Variants in GPSM2 observed in about 807,000 individuals in gnomAD.
GPSM2 encodes the protein G protein signaling modulator 2.
GPSM2 carries 58 observed loss-of-function variants against 78.4 expected under a neutral mutation model. The ratio of observed to expected loss-of-function variants is 0.74; its 90% confidence interval spans 0.60 to 0.92. The LOEUF (loss-of-function observed/expected upper bound fraction) is 0.92. GPSM2 is among the 40% of genes least tolerant of loss of function. The pLI, the probability that GPSM2 is intolerant of heterozygous loss-of-function variation, is 0.00. For missense variants in GPSM2, 700 were observed against 815.5 expected (o/e 0.86, Z 1.73); for synonymous variants, 224 against 280.2 (o/e 0.80, Z 2.00).
Position 108,922,410 on chromosome 1 carries a change from A to C in GPSM2, c.1441-7A>C. 1 of 1,600,490 alleles carries C rather than the reference A, an allele frequency of 6.2e-7. No individual in the cohort carries two copies. The highest frequency in any genetic ancestry group is 8.6e-7 in the Non-Finnish European group (1 of 1,167,816). ...CAAATAAACTAGACTTCCTCTCAAT[A>C]TTTTAGAAAATCAGTGCAGATACTA... On this transcript the variant is annotated splice_polypyrimidine_tract_variant and splice_region_variant and intron_variant, in intron 12 of 14. Transcript: ENST00000264126.
At chr1:108,882,315 A>G (rs1440750827) in intron 1 of GPSM2, among the ~76,000 whole-genome samples, 2 of 152,224 alleles carry the variant, frequency 1.3e-5, no homozygotes, top group East Asian at 1.9e-4. Context: ...CCCTGAGGAT[A>G]CCAAAATCCA....
At chr1:108,908,097 C>CG (rs535948636) in intron 10 of GPSM2, among the ~76,000 whole-genome samples, 73 of 152,326 alleles carry the variant, frequency 4.8e-4, no homozygotes, top group Non-Finnish European at 9.0e-4. Context: ...AGGGGCCGGG[C>CG]GCCATGGCTC....
Position 108,897,957 on chromosome 1 carries a change from A to T in GPSM2, c.415-2A>T. On this transcript the variant is annotated splice_acceptor_variant, in intron 4 of 14. Transcript: ENST00000264126. LOFTEE classifies it high-confidence loss of function. ...GTAAACTTTGCTGATGTCTTCATTTAGGTGGGAGAAGCAAGAGCACTTTAC... is the reference window on the plus strand; with the variant it reads ...GTAAACTTTGCTGATGTCTTCATTTTGGTGGGAGAAGCAAGAGCACTTTAC... The T allele has an allele frequency of 6.2e-7, 1 of 1,613,720 alleles. No individual in the cohort carries two copies. The highest frequency in any genetic ancestry group is 8.5e-7 in the Non-Finnish European group (1 of 1,179,624).
chr1:108,895,704 A>G (rs1024680038), intron 2 of GPSM2, among the ~76,000 whole-genome samples: 49 of 152,170 alleles, frequency 3.2e-4, no homozygotes, highest in African/African-American at 1.2e-3. Context: ...AAACAAGCTC[A>G]GGGCTCCCAC....
At chr1:108,889,795 A>G (rs900979047) in intron 2 of GPSM2, among the ~76,000 whole-genome samples, 28 of 152,138 alleles carry the variant, frequency 1.8e-4, no homozygotes, top group African/African-American at 5.5e-4. Flanking sequence ...TAACCGTGCA[A>G]CCTCTCTGCT....
At chr1:108,929,677 T>C (rs1651561119) in intron 14 of GPSM2, 24 bp from the exon 15 acceptor site, 3 of 1,610,194 alleles carry the variant, frequency 1.9e-6, no homozygotes, top group Non-Finnish European at 2.5e-6. Flanking sequence ...AGTATGTCTT[T>C]TAATCTCTCT....
chr1:108,896,997 A>G lies in GPSM2; in HGVS notation c.190A>G (p.Ile64Val), dbSNP rs775303753. 7 of 1,613,972 alleles carry G rather than the reference A, an allele frequency of 4.3e-6. No homozygotes were observed. The highest frequency in any genetic ancestry group is 5.1e-6 in the Non-Finnish European group (6 of 1,179,824). The change falls in exon 3 of 15, where the codon ATT (isoleucine) becomes GTT (valine). Residue 64 changes from isoleucine to valine, a missense_variant. Physicochemically the swap from Ile to Val is conservative, Grantham distance 29. Transcript: ENST00000264126. ...TGAAGACCTAAAAACACTTAGCGCT[A>G]TTTACAGCCAGTTGGGCAATGCTTA... is the stretch of plus-strand genomic sequence containing the variant. ...GTEDLKTLSA[I>V]YSQLGNAYFY...
intron 1 of GPSM2, among the ~76,000 whole-genome samples, chr1:108,878,043 G>C (rs1311201660): frequency 6.6e-6 from 1 of 152,150 alleles, no homozygotes. Context: ...GGGTGTGTTG[G>C]AAGTCAGCAG....
intron 11 of GPSM2, among the ~76,000 whole-genome samples, chr1:108,917,976 A>G (rs779697546): frequency 2.0e-5 from 3 of 152,104 alleles, no homozygotes; most frequent in Non-Finnish European, 4.4e-5. Flanking sequence ...ATTACATAGC[A>G]TGAACCTTTA....
chr1:108,926,869 C>G (rs1027812850), intron 14 of GPSM2: 2 of 151,966 alleles, frequency 1.3e-5, no homozygotes, highest in Non-Finnish European at 2.9e-5. Context: ...GAAATTCTAG[C>G]TGGAGCAATT....
At chr1:108,884,572 A>G (rs1029831783) in intron 1 of GPSM2, among the ~76,000 whole-genome samples, 2 of 152,216 alleles carry the variant, frequency 1.3e-5, no homozygotes, top group African/African-American at 4.8e-5. Flanking sequence ...AGTTGTAAAG[A>G]CAAGCAAAGG....
intron 1 of GPSM2, among the ~76,000 whole-genome samples, chr1:108,878,281 TA>T (rs1450594965): frequency 6.6e-6 from 1 of 152,138 alleles, no homozygotes; most frequent in African/African-American, 2.4e-5. Context: ...CCTCAGGGAT[TA>T]GGGGTGGTCT....
intron 6 of GPSM2, 31 bp from the exon 7 acceptor site, chr1:108,898,848 A>G (rs1440494015): frequency 6.3e-7 from 1 of 1,594,834 alleles, no homozygotes; most frequent in East Asian, 2.2e-5. Context: ...GTTTTATTTT[A>G]TCTACATCTA....
chr1:108,934,104 G>C lies in GPSM2; in HGVS notation c.*4164G>C, dbSNP rs1410613826. 1 of 152,274 alleles carries C rather than the reference G, an allele frequency of 6.6e-6. No homozygotes were observed. Among genetic ancestry groups the C allele is most frequent in the Non-Finnish European group, 1.5e-5 (1 of 68,120 alleles). 9.4% of individuals were successfully genotyped at this position (152,274 alleles called of 1,614,324 possible). On this transcript the variant is annotated 3_prime_UTR_variant, in exon 15 of 15. Transcript: ENST00000264126. ...TTTTCTCTAAGTAAACAAAGTAAAA[G>C]GAACAATAAGGATGCAGGCGTAGTA...
intron 1 of GPSM2, among the ~76,000 whole-genome samples, chr1:108,878,681 T>C (rs1665746797): frequency 6.6e-6 from 1 of 152,228 alleles, no homozygotes; most frequent in African/African-American, 2.4e-5. Context: ...TAGGTTATTC[T>C]AAATTTATTT....
intron 10 of GPSM2, among the ~76,000 whole-genome samples, chr1:108,913,889 TAGAA>T (rs1262967600): frequency 1.3e-5 from 2 of 152,198 alleles, no homozygotes; most frequent in Admixed American, 6.5e-5. Context: ...GATCTTAAAA[TAGAA>T]AGGGGTAACC....
chr1:108,897,729 C>CA lies in GPSM2; in HGVS notation c.414+108dup, dbSNP rs1451048033. On this transcript the variant is annotated intron_variant, in intron 4 of 14. Transcript: ENST00000264126. ...CTATAGTTTATTTTAAAATTAATAC[C>CA]AAAAAAGAAAACATTTATAGACTAA... 9 of 1,113,016 alleles carry CA rather than the reference C, an allele frequency of 8.1e-6. No individual in the cohort carries two copies. In the African/African-American group the frequency reaches 1.3e-4, roughly 16 times the overall value. 68.9% of individuals were successfully genotyped at this position (1,113,016 alleles called of 1,614,324 possible).
intron 9 of GPSM2, 61 bp from the exon 10 acceptor site, chr1:108,904,064 A>G (rs1221835254): frequency 2.3e-5 from 27 of 1,164,148 alleles, no homozygotes; most frequent in Non-Finnish European, 3.2e-5. Context: ...ACATTTACAA[A>G]TAATCTTCAC....
At chr1:108,914,928 T>G (rs1428256898) in intron 11 of GPSM2, among the ~76,000 whole-genome samples, 3 of 152,174 alleles carry the variant, frequency 2.0e-5, no homozygotes, top group Non-Finnish European at 1.5e-5. Context: ...ACAAGTACTT[T>G]GTATTGAAGA....
Sources: allele counts gnomAD v4.1 joint callset (sites outside exome capture counted in the v4.1 genomes callset), GRCh38; gene constraint gnomAD v4.1.1; transcripts MANE v1.5; gene names NCBI Gene and HGNC (gene_info 2026-07-23, HGNC 2026-07-21).